The following MYT1L variants were observed in gnomAD, a reference collection of about 807,000 sequenced individuals.
MYT1L encodes the protein myelin transcription factor 1 like, also known as myelin transcription factor 1-like protein.
In MYT1L, 12 loss-of-function variants were observed where a neutral mutation model predicts 126.7. The observed-to-expected ratio is 0.09, with a 90% confidence interval of 0.06 to 0.15. The LOEUF is 0.15. MYT1L is among the 10% of genes least tolerant of loss of function. The pLI is 1.00. For synonymous variants in MYT1L, 541 were observed against 604.2 expected, an observed-to-expected ratio of 0.90 and a Z score of 1.53; for missense variants, 979 against 1,585.2, an observed-to-expected ratio of 0.62 and a Z score of 6.49.
At chr2:2,314,062 A>G (rs2096021044) in intron 1 of MYT1L, among the ~76,000 whole-genome samples, 1 of 152,142 alleles carries the variant, frequency 6.6e-6, no homozygotes, top group Non-Finnish European at 1.5e-5. Flanking sequence ...TCTTATAGTT[A>G]TTTTTGCGTA....
rs1484313925 is a variant in MYT1L, at chr2:1,815,558, G to A, written c.3081-6391C>T. Among the ~76,000 whole-genome samples, 4 of 152,256 alleles carry A rather than the reference G, an allele frequency of 2.6e-5. No individual in the cohort carries two copies. The East Asian group carries it at 7.7e-4, about 29-fold the overall frequency. On this transcript the variant is annotated intron_variant, in intron 21 of 24. Coordinates refer to ENST00000647738, the MANE Select transcript of MYT1L (RefSeq NM_001303052.2). Reference sequence around the variant, plus strand: ...AATAAAATAGGAAGGACAGTGTCCTGCCTCTCAGTTGTCAGGAAGCAAGAG... The same window carrying A: ...AATAAAATAGGAAGGACAGTGTCCTACCTCTCAGTTGTCAGGAAGCAAGAG...
chr2:2,182,265 C>T (rs2091618867), intron 2 of MYT1L, among the ~76,000 whole-genome samples: 1 of 152,132 alleles, frequency 6.6e-6, no homozygotes. Context: ...GGCCTGTCCT[C>T]CAGATTGTTA....
chr2:1,838,634 G>A (rs934453298), intron 21 of MYT1L, among the ~76,000 whole-genome samples: 4 of 152,136 alleles, frequency 2.6e-5, no homozygotes, highest in African/African-American at 9.7e-5. Flanking sequence ...TGCACAGAAC[G>A]GGCCTCTCCT....
intron 8 of MYT1L, among the ~76,000 whole-genome samples, chr2:1,963,989 C>A (rs1299642912): frequency 6.6e-6 from 1 of 152,218 alleles, no homozygotes; most frequent in African/African-American, 2.4e-5. Context: ...TAACTTTTGG[C>A]CAATATTGGC....
chr2:1,868,111 C>T (rs576457545), intron 18 of MYT1L, among the ~76,000 whole-genome samples: 46 of 152,168 alleles, frequency 3.0e-4, no homozygotes, highest in African/African-American at 9.2e-4. Flanking sequence ...GGACTACAGG[C>T]GTGCACCACC....
intron 14 of MYT1L, among the ~76,000 whole-genome samples, chr2:1,895,327 GT>G (rs2049435664): frequency 6.6e-6 from 1 of 152,112 alleles, no homozygotes; most frequent in East Asian, 1.9e-4. Flanking sequence ...AACTACCAAC[GT>G]AATTCTTTAC....
chr2:2,319,869 A>G (rs923700915), intron 1 of MYT1L, among the ~76,000 whole-genome samples: 1 of 152,052 alleles, frequency 6.6e-6, no homozygotes, highest in African/African-American at 2.4e-5. Context: ...CTCTGCACAT[A>G]GTAGGTACTC....
intron 3 of MYT1L, among the ~76,000 whole-genome samples, chr2:2,093,560 G>T (rs1427205936): frequency 1.3e-5 from 2 of 152,040 alleles, no homozygotes; most frequent in Non-Finnish European, 2.9e-5. Flanking sequence ...TTGTAAATTT[G>T]TTTGAGTTCT....
At chr2:2,068,094 C>T (rs1574954007) in intron 3 of MYT1L, among the ~76,000 whole-genome samples, 1 of 152,014 alleles carries the variant, frequency 6.6e-6, no homozygotes, top group African/African-American at 2.4e-5. Flanking sequence ...GGCCTGCTCA[C>T]ACGTGAAAGA....
Position 1,922,167 on chromosome 2 carries a change from A to G in MYT1L, c.1483+119T>C, listed in dbSNP as rs1254401048. Reference sequence around the variant, plus strand: ...AAATATCCTTCTGGAATCAACTCTAAGAATGTGCAGTAGAGACATAATTCA... The same window carrying G: ...AAATATCCTTCTGGAATCAACTCTAGGAATGTGCAGTAGAGACATAATTCA... On this transcript the variant is annotated intron_variant, in intron 10 of 24. Coordinates refer to ENST00000647738, the MANE Select transcript of MYT1L (RefSeq NM_001303052.2). The surrounding 1 kb of genome is among the most constrained non-coding windows in gnomAD (Gnocchi z 7.4). The G allele has an allele frequency of 1.5e-6, 2 of 1,302,838 alleles. No homozygotes were observed. The highest frequency in any genetic ancestry group is 2.1e-6 in the Non-Finnish European group (2 of 959,654). The allele number at this position is 1,302,838 out of a possible 1,614,324, so 80.7% of individuals were successfully genotyped here.
intron 3 of MYT1L, among the ~76,000 whole-genome samples, chr2:2,084,158 G>A (rs1464492874): frequency 6.7e-6 from 1 of 148,798 alleles, no homozygotes; most frequent in Non-Finnish European, 1.5e-5. Context: ...ACTAAGGAAC[G>A]GAAAGTTCAG....
At chr2:2,079,055 G>A (rs2075530234) in intron 3 of MYT1L, among the ~76,000 whole-genome samples, 1 of 152,176 alleles carries the variant, frequency 6.6e-6, no homozygotes, top group Admixed American at 6.5e-5. Flanking sequence ...ATGAGGAAAT[G>A]AGCCTTCACC....
chr2:2,030,426 T>C (rs1199590227), intron 4 of MYT1L, among the ~76,000 whole-genome samples: 1 of 152,234 alleles, frequency 6.6e-6, no homozygotes, highest in African/African-American at 2.4e-5. Flanking sequence ...CTGTTTTGTC[T>C]CTAAAGCATC....
chr2:2,031,857 C>T (rs1237221855), intron 4 of MYT1L, among the ~76,000 whole-genome samples: 1 of 136,068 alleles, frequency 7.3e-6, no homozygotes, highest in Non-Finnish European at 1.5e-5. Context: ...CAGTGCCTCT[C>T]ATCCTGTGAC....
intron 1 of MYT1L, chr2:2,323,947 T>C (rs2096210428): frequency 6.6e-6 from 1 of 152,216 alleles, no homozygotes; most frequent in Non-Finnish European, 1.5e-5. Context: ...AAATATTAAT[T>C]AAACACATTG....
At position 2,193,121 on chromosome 2, in the gene MYT1L, G is replaced by T. The variant is rs147365355; in HGVS notation, c.-420-20133C>A. Among the ~76,000 whole-genome samples the T allele has an allele frequency of 1.1e-4, 16 of 152,082 alleles. 2 individuals carry two copies. Among genetic ancestry groups the T allele is most frequent in the African/African-American group, 3.6e-4 (15 of 41,488 alleles). ...GCCTCCCAAGTAGCTGGGATTATAG[G>T]TGCCCACCACCACGCCTGGCTATTT... is the stretch of plus-strand genomic sequence containing the variant. On this transcript the variant is annotated intron_variant, in intron 2 of 24. Transcript: ENST00000647738.
Position 1,791,723 on chromosome 2 carries a change from C to G in MYT1L, c.*144G>C. On this transcript the variant is annotated 3_prime_UTR_variant, in exon 25 of 25. Transcript: ENST00000647738. The surrounding 1 kb of genome is among the most constrained non-coding windows in gnomAD (Gnocchi z 6.0). Reference sequence around the variant, plus strand: ...TGCAGGTACTATCTTTAAAGCAAGACATAAAATCATTATGAAGTCTTGTAA... The same window carrying G: ...TGCAGGTACTATCTTTAAAGCAAGAGATAAAATCATTATGAAGTCTTGTAA... 3.7e-6 allele frequency: 3 copies of G among 810,350 alleles called. No individual in the cohort carries two copies. The highest frequency in any genetic ancestry group is 5.5e-6 in the Non-Finnish European group (3 of 544,504). The allele number at this position is 810,350 out of a possible 1,614,324, so 50.2% of individuals were successfully genotyped here.
At chr2:1,817,262 G>C (rs569110957) in intron 21 of MYT1L, among the ~76,000 whole-genome samples, 4 of 152,150 alleles carry the variant, frequency 2.6e-5, no homozygotes, top group African/African-American at 9.7e-5. Flanking sequence ...CCAGAGGACC[G>C]ACGGCTCCAG....
intron 1 of MYT1L, among the ~76,000 whole-genome samples, chr2:2,305,653 C>T (rs140183163): frequency 6.6e-6 from 1 of 152,112 alleles, no homozygotes; most frequent in Non-Finnish European, 1.5e-5. Flanking sequence ...TGAACCACAG[C>T]TCCACAGGCT....
Sources: allele counts gnomAD v4.1 joint callset (sites outside exome capture counted in the v4.1 genomes callset), GRCh38; gene constraint gnomAD v4.1.1; non-coding constraint Gnocchi (gnomAD v3.1); transcripts MANE v1.5; gene names NCBI Gene and HGNC (gene_info 2026-07-23, HGNC 2026-07-21).